LRFN5: variants seen among roughly 807,000 people sequenced by gnomAD.
LRFN5 encodes the protein leucine rich repeat and fibronectin type III domain containing 5.
A neutral mutation model predicts 45.6 loss-of-function variants in LRFN5; 24 were observed. The observed-to-expected ratio is 0.53, with a 90% CI of 0.38 to 0.74. LRFN5 has a LOEUF of 0.74. Ranked by LOEUF, LRFN5 falls within the 30% of genes least tolerant of loss-of-function variation. The pLI, the probability that LRFN5 is intolerant of heterozygous loss-of-function variation, is 0.00. For missense variants in LRFN5, 776 were observed against 861.5 expected (o/e 0.90, Z 1.24); for synonymous variants, 340 against 313.8 (o/e 1.08, Z -0.88).
In LRFN5 at chr14:41,875,854, G is replaced by A. The variant is rs139507811; in HGVS notation, c.-20-10752G>A. ...TGTCTTCCTTCTGTTCCCCAAAAGA[G>A]AGTTGTTATTTCACAACACTGTGTC... On this transcript the variant is annotated intron_variant, in intron 2 of 5. Transcript: ENST00000298119. 2.2e-3 allele frequency among the ~76,000 whole-genome samples: 335 copies of A among 152,242 alleles called. 2 individuals are homozygous for A. The highest frequency in any genetic ancestry group is 7.6e-3 in the African/African-American group (315 of 41,546).
chr14:41,630,209 A>G (rs1003653590), intron 1 of LRFN5, among the ~76,000 whole-genome samples: 10 of 152,132 alleles, frequency 6.6e-5, no homozygotes, highest in African/African-American at 2.4e-4. Context: ...TTTTATCAAT[A>G]AAGAAGTAAG....
chr14:41,725,384 C>T (rs141710762), intron 1 of LRFN5, among the ~76,000 whole-genome samples: 1,560 of 152,254 alleles, frequency 0.01, 11 homozygotes, highest in Non-Finnish European at 0.015. Context: ...TTCACTGCAT[C>T]TTGATTCACA....
intron 1 of LRFN5, among the ~76,000 whole-genome samples, chr14:41,764,547 CAT>C (rs1184649230): frequency 1.3e-5 from 2 of 152,036 alleles, no homozygotes; most frequent in South Asian, 2.1e-4. Context: ...AAAATAAAGA[CAT>C]AGACCTACTG....
intron 2 of LRFN5, among the ~76,000 whole-genome samples, chr14:41,789,989 C>G (rs1217523353): frequency 6.6e-6 from 1 of 151,822 alleles, no homozygotes; most frequent in Non-Finnish European, 1.5e-5. Flanking sequence ...TTTTCTGAGT[C>G]TTTAGGAGTG....
chr14:41,873,096 A>G (rs555658633), intron 2 of LRFN5, among the ~76,000 whole-genome samples: 2 of 152,230 alleles, frequency 1.3e-5, no homozygotes, highest in Admixed American at 6.5e-5. Context: ...TGCTTACTAC[A>G]CTGTTGCAGT....
At chr14:41,756,602 C>T (rs1336563680) in intron 1 of LRFN5, among the ~76,000 whole-genome samples, 1 of 152,202 alleles carries the variant, frequency 6.6e-6, no homozygotes, top group African/African-American at 2.4e-5. Flanking sequence ...TGGTTTTCAT[C>T]TCCATCACGT....
At chr14:41,694,678 A>G (rs1024611187) in intron 1 of LRFN5, among the ~76,000 whole-genome samples, 1 of 151,860 alleles carries the variant, frequency 6.6e-6, no homozygotes, top group African/African-American at 2.4e-5. Flanking sequence ...CATTTTTTCC[A>G]ACAGTATGTG....
At chr14:41,819,261 G>T (rs1341632451) in intron 2 of LRFN5, among the ~76,000 whole-genome samples, 2 of 152,042 alleles carry the variant, frequency 1.3e-5, no homozygotes, top group African/African-American at 4.8e-5. Flanking sequence ...GGGATTGTTG[G>T]ATCAAATGGT....
At chr14:41,896,119 AAATTT>A (rs1566511819) in intron 4 of LRFN5, among the ~76,000 whole-genome samples, 2 of 152,178 alleles carry the variant, frequency 1.3e-5, no homozygotes, top group Non-Finnish European at 2.9e-5. Context: ...TTTAGCTCTT[AAATTT>A]AAGTTTTTCT....
chr14:41,828,629 C>T (rs918456463), intron 2 of LRFN5, among the ~76,000 whole-genome samples: 7 of 151,888 alleles, frequency 4.6e-5, no homozygotes, highest in African/African-American at 1.7e-4. Context: ...ATTTGTTTAC[C>T]TATTCAAACC....
chr14:41,900,477 T>TAAAG (rs1891069972), intron 5 of LRFN5, among the ~76,000 whole-genome samples: 4 of 152,104 alleles, frequency 2.6e-5, no homozygotes, highest in Non-Finnish European at 5.9e-5. Context: ...ATAATAACTT[T>TAAAG]TTATCTTAAA....
intron 2 of LRFN5, among the ~76,000 whole-genome samples, chr14:41,840,008 C>A (rs1383227895): frequency 6.6e-6 from 1 of 151,990 alleles, no homozygotes; most frequent in East Asian, 1.9e-4. Flanking sequence ...ATCCATATAA[C>A]CCCAATCTGT....
At chr14:41,670,655 C>G (rs967874419) in intron 1 of LRFN5, among the ~76,000 whole-genome samples, 1 of 151,716 alleles carries the variant, frequency 6.6e-6, no homozygotes, top group Non-Finnish European at 1.5e-5. Flanking sequence ...TTGGTTGTAT[C>G]CAGTTGAGTT....
chr14:41,900,221 CA>C (rs1274500200), intron 5 of LRFN5, among the ~76,000 whole-genome samples: 4 of 151,890 alleles, frequency 2.6e-5, no homozygotes, highest in Admixed American at 2.6e-4. Flanking sequence ...GAACACAAGC[CA>C]AAATGGTACT....
At chr14:41,767,523 C>T (rs774687153) in intron 2 of LRFN5, among the ~76,000 whole-genome samples, 4 of 152,074 alleles carry the variant, frequency 2.6e-5, no homozygotes, top group Non-Finnish European at 2.9e-5. Flanking sequence ...CTAGAAAGAG[C>T]ACTTTTCCTG....
chr14:41,817,167 G>T (rs1887950646), intron 2 of LRFN5, among the ~76,000 whole-genome samples: 1 of 151,770 alleles, frequency 6.6e-6, no homozygotes, highest in East Asian at 1.9e-4. Flanking sequence ...TGCTTACATT[G>T]TCTCTGTTCT....
At chr14:41,886,021 A>AAAC (rs1890559232) in intron 2 of LRFN5, among the ~76,000 whole-genome samples, 1 of 146,898 alleles carries the variant, frequency 6.8e-6, no homozygotes, top group African/African-American at 2.6e-5. Context: ...GCTCGTCTCA[A>AAAC]AAAAAAAAAA....
At chr14:41,879,925 T>TCC (rs1478682360) in intron 2 of LRFN5, among the ~76,000 whole-genome samples, 2 of 138,740 alleles carry the variant, frequency 1.4e-5, no homozygotes, top group African/African-American at 5.4e-5. Context: ...CCTTTTTTTT[T>TCC]TTTTTTTTTT....
intron 1 of LRFN5, among the ~76,000 whole-genome samples, chr14:41,630,207 A>G (rs1888485896): frequency 6.6e-6 from 1 of 152,130 alleles, no homozygotes; most frequent in African/African-American, 2.4e-5. Flanking sequence ...ACTTTTATCA[A>G]TAAAGAAGTA....
Sources: allele counts gnomAD v4.1 joint callset (sites outside exome capture counted in the v4.1 genomes callset), GRCh38; gene constraint gnomAD v4.1.1; transcripts MANE v1.5; gene names NCBI Gene and HGNC (gene_info 2026-07-23, HGNC 2026-07-21).